CHD9: variants seen among roughly 807,000 people sequenced by gnomAD.
CHD9 encodes ATP-dependent chromatin remodeler CHD9.
CHD9 carries 77 observed loss-of-function variants against 316.1 expected under a neutral mutation model. The observed-to-expected ratio is 0.24, with a 90% confidence interval of 0.20 to 0.29. CHD9 has a LOEUF of 0.29. Ranked by LOEUF, CHD9 falls within the 10% of genes least tolerant of loss-of-function variation. The pLI is 1.00. For synonymous variants in CHD9, 1,129 were observed against 1,158.3 expected (o/e 0.97, Z 0.51); for missense variants, 2,763 against 3,438.1 (o/e 0.80, Z 4.91).
Position 53,306,233 on chromosome 16 carries a change from G to T in CHD9, c.6620-4G>T. 1.4e-6 allele frequency: 2 copies of T among 1,469,442 alleles called. No homozygotes were observed. Among genetic ancestry groups the T allele is most frequent in the Non-Finnish European group, 1.8e-6 (2 of 1,109,188 alleles). 91.0% of individuals were successfully genotyped at this position (1,469,442 alleles called of 1,614,324 possible). On this transcript the variant is annotated splice_region_variant and splice_polypyrimidine_tract_variant and intron_variant, in intron 31 of 38. Coordinates refer to ENST00000447540, the MANE Select transcript of CHD9 (RefSeq NM_001308319.2). ...TAAAAAATGATTATAATTGTTTTTA[G>T]CAGAAAGTACTACTCACATGAAAGC...
chr16:53,258,291 A>G (rs1039714365), intron 19 of CHD9, among the ~76,000 whole-genome samples: 1 of 152,204 alleles, frequency 6.6e-6, no homozygotes, highest in African/African-American at 2.4e-5. Context: ...AGAGAACTCA[A>G]GTATACTCTA....
In CHD9 at chr16:53,231,824, C is replaced by T. The variant is rs772599858; in HGVS notation, c.2511+40C>T. On this transcript the variant is annotated intron_variant, in intron 10 of 38. Transcript: ENST00000447540. ...TAGACAGCTTTATAAAATCTTAGCA[C>T]TTGTTTATGTAAGTTATGATATTGC... 4 of 1,529,620 alleles carry T rather than the reference C, an allele frequency of 2.6e-6. No individual in the cohort carries two copies. The East Asian group carries it at 9.0e-5, about 35-fold the overall frequency. The allele number at this position is 1,529,620 out of a possible 1,614,324, so 94.8% of individuals were successfully genotyped here. A position where few individuals can be genotyped will look rare whatever the true frequency, so the allele number is the denominator to read the frequency against.
intron 10 of CHD9, among the ~76,000 whole-genome samples, chr16:53,234,240 C>T (rs559865816): frequency 1.6e-4 from 24 of 152,220 alleles, no homozygotes; most frequent in Non-Finnish European, 2.8e-4. Context: ...GTTTAGCTTT[C>T]ATGGCAGATT....
chr16:53,131,280 CGA>C (rs1949912983), intron 1 of CHD9: 1 of 143,390 alleles, frequency 7.0e-6, no homozygotes, highest in South Asian at 1.9e-4. Flanking sequence ...TGGCGAAGCG[CGA>C]GAGTCAGCGA....
chr16:53,214,391 A>G (rs1208736503), intron 3 of CHD9, among the ~76,000 whole-genome samples: 2 of 152,198 alleles, frequency 1.3e-5, no homozygotes, highest in East Asian at 3.8e-4. Flanking sequence ...TTTTGAAATA[A>G]TATATGCTCG....
At chr16:53,293,708 T>C (rs2054545844) in intron 29 of CHD9, among the ~76,000 whole-genome samples, 1 of 152,138 alleles carries the variant, frequency 6.6e-6, no homozygotes, top group Non-Finnish European at 1.5e-5. Flanking sequence ...CCCAGCACTT[T>C]GGGAGGCCGA....
At chr16:53,179,989 G>A (rs1184161735) in intron 2 of CHD9, among the ~76,000 whole-genome samples, 3 of 150,116 alleles carry the variant, frequency 2.0e-5, no homozygotes, top group Non-Finnish European at 4.4e-5. Context: ...TGGTCATTAT[G>A]AGTTTCTCTA....
intron 1 of CHD9, among the ~76,000 whole-genome samples, chr16:53,132,430 A>C (rs117889619): frequency 2.0e-5 from 3 of 152,312 alleles, no homozygotes; most frequent in Non-Finnish European, 4.4e-5. Flanking sequence ...TCTTAAACGA[A>C]AAGAAGGCTT....
intron 17 of CHD9, among the ~76,000 whole-genome samples, chr16:53,253,375 T>C (rs1426469497): frequency 6.6e-6 from 1 of 152,180 alleles, no homozygotes; most frequent in Non-Finnish European, 1.5e-5. Flanking sequence ...TTCTCACTCA[T>C]AAGTGGGAAC....
intron 24 of CHD9, among the ~76,000 whole-genome samples, chr16:53,278,251 A>C (rs931638337): frequency 6.6e-6 from 1 of 152,182 alleles, no homozygotes; most frequent in Non-Finnish European, 1.5e-5. Flanking sequence ...AGAACTAGAG[A>C]AAAACAGTCC....
chr16:53,071,908 G>A (rs1427410567), intron 1 of CHD9, among the ~76,000 whole-genome samples: 2 of 152,132 alleles, frequency 1.3e-5, no homozygotes, highest in Non-Finnish European at 2.9e-5. Context: ...GTCACTCAAC[G>A]GTTTGGGGGC....
chr16:53,115,196 C>T (rs1238434804), intron 1 of CHD9, among the ~76,000 whole-genome samples: 7 of 152,070 alleles, frequency 4.6e-5, no homozygotes, highest in African/African-American at 1.4e-4. Flanking sequence ...GAGAATGATC[C>T]GAAGAACAGC....
chr16:53,319,374 A>C (rs2057109886), intron 37 of CHD9, among the ~76,000 whole-genome samples: 1 of 152,202 alleles, frequency 6.6e-6, no homozygotes, highest in Non-Finnish European at 1.5e-5. Context: ...GAAATATTGG[A>C]ATTAGAAGAA....
chr16:53,291,684 AC>A, intron 27 of CHD9, 40 bp from the exon 28 acceptor site: 1 of 1,374,594 alleles, frequency 7.3e-7, no homozygotes, highest in Non-Finnish European at 1.0e-6. Flanking sequence ...ATATCTCTTG[AC>A]CCAATTACCC....
chr16:53,314,986 T>C lies in CHD9; in HGVS notation c.7526T>C (p.Leu2509Ser), dbSNP rs1230374623. Residue 2509 changes from leucine to serine, a missense_variant, in exon 36 of 39, where the codon TTG becomes TCG. By Grantham distance (145) the Leu-to-Ser change is moderately radical. Around this residue, in one of 15 missense-constraint regions of CHD9, gnomAD observed 663 missense variants for 751.2 expected, o/e 0.88. Coordinates refer to ENST00000447540, the MANE Select transcript of CHD9 (RefSeq NM_001308319.2). ...AGDDAPKRKD[L>S]EKWLKEHPGY... The stretch of plus-strand genomic sequence containing the variant: ...GATGATGCACCAAAGAGAAAGGATT[T>C]GGAAAAATGGCTTAAGGAGCACCCG... 6.2e-7 allele frequency: 1 copy of C among 1,613,880 alleles called. No individual in the cohort carries two copies. Among genetic ancestry groups the C allele is most frequent in the Non-Finnish European group, 8.5e-7 (1 of 1,179,818 alleles).
intron 30 of CHD9, chr16:53,299,046 C>A: frequency 5.5e-6 from 1 of 182,778 alleles, no homozygotes; most frequent in South Asian, 1.3e-4. Context: ...GCCTCAGCAC[C>A]TGGAACCAGG....
chr16:53,239,907 T>A (rs1051807535), intron 12 of CHD9, among the ~76,000 whole-genome samples: 2 of 152,170 alleles, frequency 1.3e-5, no homozygotes, highest in African/African-American at 4.8e-5. Context: ...TGAAGAATAA[T>A]TAATTATATA....
chr16:53,219,204 G>A (rs1038588016), intron 3 of CHD9, among the ~76,000 whole-genome samples: 5 of 152,202 alleles, frequency 3.3e-5, no homozygotes, highest in Admixed American at 6.5e-5. Flanking sequence ...ATAGGGTTAC[G>A]GAAAATGAGA....
At chr16:53,235,143 T>C (rs1567531827) in intron 10 of CHD9, 42 bp from the exon 11 acceptor site, 1 of 1,524,178 alleles carries the variant, frequency 6.6e-7, no homozygotes, top group East Asian at 2.4e-5. Flanking sequence ...GTATGATATA[T>C]GGAAGATTTA....
Sources: gnomAD v4.1 joint callset for allele counts (sites outside exome capture counted in the v4.1 genomes callset) on GRCh38, gnomAD v4.1.1 for gene constraint, gnomAD v4.1.1 regional missense constraint, MANE v1.5 for transcripts, NCBI Gene and HGNC (gene_info 2026-07-23, HGNC 2026-07-21) for gene names.